The following CNTN5 variants were observed in gnomAD, a reference collection of about 807,000 sequenced individuals.
CNTN5 encodes contactin-5.
Under a neutral mutation model 129.1 loss-of-function variants are expected in CNTN5, and 77 were observed. The ratio of observed to expected loss-of-function variants is 0.60; its 90% confidence interval spans 0.50 to 0.72. The LOEUF is 0.72. Among genes scored for constraint, CNTN5 ranks in the 30% least tolerant of loss-of-function variants. CNTN5 has a pLI of 0.00. For missense variants in CNTN5, 1,478 were observed against 1,328.8 expected, an observed-to-expected ratio of 1.11 and a Z score of -1.75; for synonymous variants, 509 against 465.6, an observed-to-expected ratio of 1.09 and a Z score of -1.20.
chr11:100,253,996 G>A (rs1950020547), intron 16 of CNTN5, among the ~76,000 whole-genome samples: 1 of 151,880 alleles, frequency 6.6e-6, no homozygotes, highest in Admixed American at 6.6e-5. Flanking sequence ...GCCCCATTCT[G>A]GCTTCCTCTG....
At chr11:99,749,356 C>A (rs185363399) in intron 3 of CNTN5, among the ~76,000 whole-genome samples, 232 of 152,192 alleles carry the variant, frequency 1.5e-3, no homozygotes, top group African/African-American at 5.4e-3. Flanking sequence ...AATCTTCTAA[C>A]CTTTAATATG....
intron 13 of CNTN5, among the ~76,000 whole-genome samples, chr11:100,187,533 G>C (rs2138484919): frequency 6.6e-6 from 1 of 152,058 alleles, no homozygotes; most frequent in East Asian, 1.9e-4. Context: ...ATATTACAGG[G>C]CTTCAAACTA....
intron 1 of CNTN5, among the ~76,000 whole-genome samples, chr11:99,111,231 G>A (rs927392346): frequency 6.6e-5 from 10 of 151,962 alleles, no homozygotes; most frequent in African/African-American, 1.5e-4. Context: ...CATGTTGCAC[G>A]CCCATCAGTT....
intron 3 of CNTN5, among the ~76,000 whole-genome samples, chr11:99,674,164 A>T (rs898387410): frequency 6.6e-6 from 1 of 152,166 alleles, no homozygotes; most frequent in African/African-American, 2.4e-5. Flanking sequence ...CTGATGTGAG[A>T]TGGCATCTCA....
intron 3 of CNTN5, among the ~76,000 whole-genome samples, chr11:99,624,780 A>G (rs1034399360): frequency 1.3e-5 from 2 of 152,308 alleles, no homozygotes; most frequent in South Asian, 2.1e-4. Flanking sequence ...ACACTGTTGC[A>G]TGTACACAAA....
At chr11:100,095,796 A>G (rs1944988842) in intron 13 of CNTN5, among the ~76,000 whole-genome samples, 1 of 151,960 alleles carries the variant, frequency 6.6e-6, no homozygotes, top group Non-Finnish European at 1.5e-5. Flanking sequence ...ATACTTAGTC[A>G]GTTTTTATCT....
chr11:100,089,798 G>A (rs1193855181), intron 13 of CNTN5, among the ~76,000 whole-genome samples: 1 of 152,096 alleles, frequency 6.6e-6, no homozygotes, highest in Non-Finnish European at 1.5e-5. Flanking sequence ...TGCAGGAACA[G>A]AAAACCAAAC....
At chr11:100,314,218 C>T (rs1173156669) in intron 21 of CNTN5, among the ~76,000 whole-genome samples, 2 of 152,102 alleles carry the variant, frequency 1.3e-5, no homozygotes, top group African/African-American at 4.8e-5. Context: ...AGAATCACAG[C>T]TCTCCAGTGT....
chr11:99,288,507 T>C (rs1565464767), intron 1 of CNTN5, among the ~76,000 whole-genome samples: 3 of 151,974 alleles, frequency 2.0e-5, no homozygotes. Context: ...AATGATGTAA[T>C]TGATCTTAGT....
At chr11:99,649,444 A>G (rs1952078275) in intron 3 of CNTN5, among the ~76,000 whole-genome samples, 1 of 151,804 alleles carries the variant, frequency 6.6e-6, no homozygotes, top group Non-Finnish European at 1.5e-5. Flanking sequence ...GAAAATGTCA[A>G]TGTTGCAACT....
rs114162130 is a variant in CNTN5, at chr11:99,211,609, T to C, written c.-209-113737T>C. ...ATCACTTCATTTAATTATGCAAGTT[T>C]CTTCTCTTTTTTTAATCTCTTATTT... On this transcript the variant is annotated intron_variant, in intron 1 of 24. Transcript: ENST00000524871. Among the ~76,000 whole-genome samples, 642 of 151,646 alleles carry C rather than the reference T, an allele frequency of 4.2e-3. 6 individuals carry two copies. The highest frequency in any genetic ancestry group is 0.013 in the African/African-American group (543 of 41,452).
chr11:99,855,789 G>C (rs185003707), intron 6 of CNTN5, among the ~76,000 whole-genome samples: 1 of 152,084 alleles, frequency 6.6e-6, no homozygotes, highest in East Asian at 1.9e-4. Context: ...CTCACATCTT[G>C]ACCTATAAGC....
At chr11:100,037,891 C>T (rs1489371115) in intron 9 of CNTN5, among the ~76,000 whole-genome samples, 2 of 151,938 alleles carry the variant, frequency 1.3e-5, no homozygotes, top group African/African-American at 4.8e-5. Context: ...GGCGGTCTAT[C>T]AATTTTGTTG....
chr11:99,156,991 T>C (rs1210694408), intron 1 of CNTN5, among the ~76,000 whole-genome samples: 1 of 152,092 alleles, frequency 6.6e-6, no homozygotes, highest in East Asian at 1.9e-4. Flanking sequence ...AAAGTTATTC[T>C]TCACTACTTT....
intron 4 of CNTN5, among the ~76,000 whole-genome samples, chr11:99,820,481 G>A (rs1946764423): frequency 6.6e-6 from 1 of 152,422 alleles, no homozygotes; most frequent in African/African-American, 2.4e-5. Flanking sequence ...ATTAAAGACT[G>A]CTCTACAGCT....
chr11:99,155,514 A>C (rs1860290093), intron 1 of CNTN5, among the ~76,000 whole-genome samples: 1 of 152,234 alleles, frequency 6.6e-6, no homozygotes, highest in African/African-American at 2.4e-5. Context: ...GTCATTGATC[A>C]TGATGTTCCT....
intron 3 of CNTN5, among the ~76,000 whole-genome samples, chr11:99,677,831 T>G (rs1341231911): frequency 2.0e-5 from 3 of 152,134 alleles, no homozygotes; most frequent in Non-Finnish European, 4.4e-5. Flanking sequence ...TTTTCAAAAA[T>G]CCATTTATCA....
At chr11:100,024,026 AG>A (rs1237964035) in intron 9 of CNTN5, among the ~76,000 whole-genome samples, 2 of 152,182 alleles carry the variant, frequency 1.3e-5, no homozygotes, top group Non-Finnish European at 2.9e-5. Flanking sequence ...TTATATACCA[AG>A]GAGGGTGATA....
chr11:100,248,376 C>G (rs544868263), intron 16 of CNTN5, among the ~76,000 whole-genome samples: 1 of 152,030 alleles, frequency 6.6e-6, no homozygotes, highest in South Asian at 2.1e-4. Context: ...GAGACCCCAT[C>G]TCTATAAAAA....
Sources: gnomAD v4.1 joint callset for allele counts (sites outside exome capture counted in the v4.1 genomes callset) on GRCh38, gnomAD v4.1.1 for gene constraint, MANE v1.5 for transcripts, NCBI Gene and HGNC (gene_info 2026-07-23, HGNC 2026-07-21) for gene names.